GTF3C5: variants seen among roughly 807,000 people sequenced by gnomAD.
The protein encoded by GTF3C5 is general transcription factor IIIC subunit 5, also known as general transcription factor 3C polypeptide 5.
Under a neutral mutation model 61.0 loss-of-function variants are expected in GTF3C5, and 47 were observed. The observed-to-expected ratio is 0.77, with a 90% CI of 0.61 to 0.98. The LOEUF (loss-of-function observed/expected upper bound fraction) is 0.98, where lower values mean the gene tolerates loss of function less well. Among genes scored for constraint, GTF3C5 ranks in the 50% least tolerant of loss-of-function variants. The probability of loss-of-function intolerance (pLI) is 0.00; values close to 1 mark genes in which losing one functional copy is unlikely to be tolerated. For missense variants in GTF3C5, 659 were observed against 703.3 expected, an observed-to-expected ratio of 0.94 and a Z score of 0.71; for synonymous variants, 295 against 275.4, an observed-to-expected ratio of 1.07 and a Z score of -0.71.
chr9:133,052,727 G>A (rs1850423407), intron 5 of GTF3C5, among the ~76,000 whole-genome samples: 1 of 152,202 alleles, frequency 6.6e-6, no homozygotes, highest in African/African-American at 2.4e-5. Flanking sequence ...GTGAGGGTCT[G>A]CAACAGGCAG....
At chr9:133,055,924 C>G in intron 8 of GTF3C5, 88 bp from the exon 9 acceptor site, 1 of 1,580,026 alleles carries the variant, frequency 6.3e-7, no homozygotes, top group Non-Finnish European at 8.6e-7. Context: ...CCTGGAGAGA[C>G]CCCATGGGAG....
At chr9:133,042,030 C>G (rs993016965) in intron 1 of GTF3C5, 57 bp from the exon 2 acceptor site, 5 of 1,195,336 alleles carry the variant, frequency 4.2e-6, no homozygotes, top group Non-Finnish European at 5.0e-6. Context: ...GGAGCAGCTC[C>G]CCACTGGCTG....
rs1331292229 is a variant in GTF3C5, at chr9:133,055,099, G to A, written c.1167+290G>A. ...CTTCTCGAGCCCTTTGGGAGCCTGG[G>A]CCCCCACTGAGCCACGTGACCACTC... On this transcript the variant is annotated intron_variant, in intron 8 of 10. Coordinates refer to ENST00000372097, the MANE Select transcript of GTF3C5 (RefSeq NM_012087.4). The A allele has an allele frequency of 1.9e-6, 3 of 1,550,378 alleles. No individual in the cohort carries two copies. In the Admixed American group the frequency reaches 5.9e-5, roughly 30 times the overall value.
At chr9:133,033,686 A>G (rs181660237) in intron 1 of GTF3C5, among the ~76,000 whole-genome samples, 1 of 152,026 alleles carries the variant, frequency 6.6e-6, no homozygotes, top group African/African-American at 2.4e-5. Flanking sequence ...GCCCATGCCC[A>G]CTCGTCTGGA....
At chr9:133,030,810 C>T (rs1047581846), upstream of GTF3C5, 33 of 676,884 alleles carry the variant, frequency 4.9e-5, no homozygotes, top group Non-Finnish European at 8.7e-5. Flanking sequence ...GTCGAGGACA[C>T]GGCGGTCGTT....
intron 1 of GTF3C5, among the ~76,000 whole-genome samples, chr9:133,031,661 C>T (rs1244870214): frequency 6.6e-6 from 1 of 152,228 alleles, no homozygotes; most frequent in Non-Finnish European, 1.5e-5. Context: ...AAGGGTGCAT[C>T]TTGCGGATGG....
At position 133,031,681 on chromosome 9, in the gene GTF3C5, G is replaced by A. The variant is rs573106673; in HGVS notation, c.153+517G>A. On this transcript the variant is annotated intron_variant, in intron 1 of 10. Transcript: ENST00000372097. ...TGCATCTTGCGGATGGAGCAATGGC[G>A]AGAGCACACCGACAAGGAAGGGGAA... Among the ~76,000 whole-genome samples, 3 of 152,282 alleles carry A rather than the reference G, an allele frequency of 2.0e-5. No homozygotes were observed. In the East Asian group the frequency reaches 5.8e-4, roughly 29 times the overall value.
chr9:133,057,018 T>A, intron 10 of GTF3C5, 110 bp downstream of exon 10: 1 of 1,080,808 alleles, frequency 9.3e-7, no homozygotes, highest in Non-Finnish European at 1.3e-6. Flanking sequence ...GGTGGCATCA[T>A]CTTGCCCCTG....
intron 3 of GTF3C5, among the ~76,000 whole-genome samples, chr9:133,046,032 A>T (rs1158491889): frequency 6.6e-6 from 1 of 152,184 alleles, no homozygotes. Context: ...AGCCCTCAAG[A>T]GAATGGGCTT....
At chr9:133,038,078 C>T (rs997419207) in intron 1 of GTF3C5, among the ~76,000 whole-genome samples, 7 of 152,024 alleles carry the variant, frequency 4.6e-5, no homozygotes, top group Non-Finnish European at 7.4e-5. Flanking sequence ...TGAGCGGTTT[C>T]GCCAGGAAGA....
intron 1 of GTF3C5, among the ~76,000 whole-genome samples, chr9:133,041,116 G>C (rs1207501009): frequency 6.6e-6 from 1 of 152,212 alleles, no homozygotes; most frequent in African/African-American, 2.4e-5. Flanking sequence ...GCCAGTGTCT[G>C]GGAAGACGCC....
At chr9:133,042,417 C>T (rs1850065920) in intron 2 of GTF3C5, 111 bp downstream of exon 2, 14 of 755,078 alleles carry the variant, frequency 1.9e-5, no homozygotes, top group Non-Finnish European at 2.9e-5. Context: ...AGGATATGCC[C>T]AGGGGCTGTG....
intron 3 of GTF3C5, among the ~76,000 whole-genome samples, chr9:133,047,274 CAT>C (rs1850236178): frequency 6.6e-6 from 1 of 152,168 alleles, no homozygotes; most frequent in Non-Finnish European, 1.5e-5. Flanking sequence ...AAGGGCCACA[CAT>C]GTTGCTTTTG....
intron 8 of GTF3C5, 80 bp from the exon 9 acceptor site, chr9:133,055,932 G>T: frequency 1.3e-6 from 2 of 1,592,394 alleles, no homozygotes; most frequent in Non-Finnish European, 8.6e-7. Context: ...GACCCCATGG[G>T]AGCCTACATG....
At chr9:133,038,695 G>A (rs1409817488) in intron 1 of GTF3C5, among the ~76,000 whole-genome samples, 4 of 151,684 alleles carry the variant, frequency 2.6e-5, no homozygotes, top group African/African-American at 9.7e-5. Flanking sequence ...GACCTCAGGT[G>A]ATCCACCCAG....
At chr9:133,032,865 T>G (rs1564193408) in intron 1 of GTF3C5, among the ~76,000 whole-genome samples, 1 of 152,210 alleles carries the variant, frequency 6.6e-6, no homozygotes, top group East Asian at 1.9e-4. Context: ...GCTCATTGGA[T>G]AAAGCAGTAA....
chr9:133,054,456 A>T lies in GTF3C5; in HGVS notation c.1037A>T (p.Asn346Ile). Residue 346 changes from asparagine (N) to isoleucine (I), a missense_variant, in exon 7 of 11, where the codon AAC (asparagine) becomes ATC (isoleucine). Physicochemically the swap from Asn to Ile is moderately radical, Grantham distance 149. Transcript: ENST00000372097. ...LPVKAKRSTY[N>I]YSLPITVKKT... ...GTCAAAGCAAAGCGCAGCACCTACAACTACAGCCTCCCCATCACCGTCAAG... is the reference window on the plus strand; with the variant it reads ...GTCAAAGCAAAGCGCAGCACCTACATCTACAGCCTCCCCATCACCGTCAAG... 6.2e-7 allele frequency: 1 copy of T among 1,614,144 alleles called. No individual in the cohort carries two copies. Among genetic ancestry groups the T allele is most frequent in the Non-Finnish European group, 8.5e-7 (1 of 1,180,010 alleles).
chr9:133,051,518 A>C (rs1338777817), intron 4 of GTF3C5, among the ~76,000 whole-genome samples: 1 of 152,248 alleles, frequency 6.6e-6, no homozygotes, highest in Non-Finnish European at 1.5e-5. Context: ...TCCAGCAGTC[A>C]CTGGGGCACA....
intron 3 of GTF3C5, among the ~76,000 whole-genome samples, chr9:133,049,924 A>G (rs552039398): frequency 3.9e-5 from 6 of 152,116 alleles, no homozygotes; most frequent in Admixed American, 1.3e-4. Flanking sequence ...GGATGAACCT[A>G]TGCTGAGACG....
Sources: gnomAD v4.1 joint callset for allele counts (sites outside exome capture counted in the v4.1 genomes callset) on GRCh38, gnomAD v4.1.1 for gene constraint, MANE v1.5 for transcripts, NCBI Gene and HGNC (gene_info 2026-07-23, HGNC 2026-07-21) for gene names.